Variants in TNFSF4 observed in about 807,000 individuals in gnomAD.
The protein encoded by TNFSF4 is tumor necrosis factor ligand superfamily member 4.
A neutral mutation model predicts 7.3 loss-of-function variants in TNFSF4; 4 were observed. The ratio of observed to expected loss-of-function variants is 0.55; its 90% CI spans 0.27 to 1.25. TNFSF4 has a LOEUF of 1.25. Among genes scored for constraint, TNFSF4 ranks in the 50% most tolerant of loss-of-function variants. TNFSF4 has a pLI of 0.12. For missense variants in TNFSF4, 181 were observed against 208.8 expected, an observed-to-expected ratio of 0.87 and a Z score of 0.82; for synonymous variants, 76 against 83.7, an observed-to-expected ratio of 0.91 and a Z score of 0.50.
At chr1:173,216,924 G>A in the TNFSF4 span, among the ~76,000 whole-genome samples, 3 of 151,972 alleles carry the variant, frequency 2.0e-5, no homozygotes, top group Non-Finnish European at 4.4e-5. Context: ...ATTCGCCCTG[G>A]TTATATTTGG....
At chr1:173,258,376 G>A in the TNFSF4 span, among the ~76,000 whole-genome samples, 32,101 of 152,022 alleles carry the variant, frequency 0.21, 3,693 homozygotes, top group Admixed American at 0.32. Flanking sequence ...GAGCAGATTA[G>A]CACAGGGCAA....
At chr1:173,370,031 G>A in the TNFSF4 span, among the ~76,000 whole-genome samples, 1 of 151,978 alleles carries the variant, frequency 6.6e-6, no homozygotes, top group African/African-American at 2.4e-5. Flanking sequence ...GAAAACCCTG[G>A]GCTATCAGTT....
At chr1:173,362,990 C>T in the TNFSF4 span, 1 of 357,008 alleles carries the variant, frequency 2.8e-6, no homozygotes, top group Non-Finnish European at 5.5e-6. Context: ...ATTCTTCTTG[C>T]ACTGGGAAAA....
upstream of TNFSF4, among the ~76,000 whole-genome samples, chr1:173,208,963 T>C (rs1190049930): frequency 6.6e-6 from 1 of 152,086 alleles, no homozygotes; most frequent in African/African-American, 2.4e-5. Context: ...GTCAAAAGAA[T>C]GAAAAAAATA....
the TNFSF4 span, among the ~76,000 whole-genome samples, chr1:173,230,907 T>A: frequency 1.3e-5 from 2 of 152,108 alleles, no homozygotes; most frequent in African/African-American, 4.8e-5. Flanking sequence ...AGAAGTTGAA[T>A]CCCTGAATGG....
chr1:173,273,649 T>C, the TNFSF4 span, among the ~76,000 whole-genome samples: 2 of 152,080 alleles, frequency 1.3e-5, no homozygotes, highest in Admixed American at 1.3e-4. Flanking sequence ...GAATTACACA[T>C]TTAAATATTT....
At chr1:173,408,284 T>C in the TNFSF4 span, among the ~76,000 whole-genome samples, 5 of 152,168 alleles carry the variant, frequency 3.3e-5, no homozygotes, top group African/African-American at 1.2e-4. Context: ...CAAAGAATGA[T>C]AGGAACAGGC....
chr1:173,290,686 C>T, the TNFSF4 span, among the ~76,000 whole-genome samples: 1 of 152,038 alleles, frequency 6.6e-6, no homozygotes, highest in African/African-American at 2.4e-5. Context: ...AGACAGAAAA[C>T]TAAAAAGATA....
chr1:173,386,616 G>T, the TNFSF4 span, among the ~76,000 whole-genome samples: 18 of 152,284 alleles, frequency 1.2e-4, no homozygotes, highest in Non-Finnish European at 2.2e-4. Context: ...CCCCACTGGG[G>T]TAATGCATAG....
chr1:173,442,080 A>G, the TNFSF4 span: 1 of 152,250 alleles, frequency 6.6e-6, no homozygotes, highest in Admixed American at 6.5e-5. Context: ...TTGTGCTGGT[A>G]ATGTTTAATA....
intron 1 of TNFSF4, among the ~76,000 whole-genome samples, chr1:173,198,732 AC>A (rs1649814049): frequency 6.6e-6 from 1 of 152,212 alleles, no homozygotes. Flanking sequence ...ACAAGCTTGC[AC>A]ATGTACCCCT....
downstream of TNFSF4, among the ~76,000 whole-genome samples, chr1:173,182,326 G>A (rs538916520): frequency 6.6e-6 from 1 of 152,318 alleles, no homozygotes; most frequent in Admixed American, 6.5e-5. Context: ...GAACCAGGAG[G>A]AGGGACTTGC....
At chr1:173,199,384 G>C (rs542018238) in intron 1 of TNFSF4, among the ~76,000 whole-genome samples, 2 of 152,302 alleles carry the variant, frequency 1.3e-5, no homozygotes, top group South Asian at 4.1e-4. Flanking sequence ...TTAACATGCA[G>C]TCAACTGGAT....
the TNFSF4 span, among the ~76,000 whole-genome samples, chr1:173,275,710 A>G: frequency 6.6e-6 from 1 of 152,080 alleles, no homozygotes; most frequent in Non-Finnish European, 1.5e-5. Context: ...CCCCTGGGGG[A>G]AAAAAAGTTG....
At chr1:173,431,636 A>T in the TNFSF4 span, among the ~76,000 whole-genome samples, 1 of 152,256 alleles carries the variant, frequency 6.6e-6, no homozygotes, top group Non-Finnish European at 1.5e-5. Flanking sequence ...ATTTCTGAAT[A>T]AAATATTTCA....
chr1:173,441,396 G>A, the TNFSF4 span, among the ~76,000 whole-genome samples: 2 of 152,258 alleles, frequency 1.3e-5, no homozygotes, highest in African/African-American at 2.4e-5. Context: ...GCCAAGGTGG[G>A]CGGATTGCCT....
At chr1:173,391,663 C>G in the TNFSF4 span, among the ~76,000 whole-genome samples, 1 of 151,994 alleles carries the variant, frequency 6.6e-6, no homozygotes, top group Admixed American at 6.6e-5. Context: ...TTTCTGATTC[C>G]TCCTCGATCT....
chr1:173,338,311 A>G, the TNFSF4 span, among the ~76,000 whole-genome samples: 1 of 152,308 alleles, frequency 6.6e-6, no homozygotes, highest in Admixed American at 6.5e-5. Flanking sequence ...TTCTGCCAAA[A>G]CTATCATCTG....
chr1:173,348,068 A>G, the TNFSF4 span, among the ~76,000 whole-genome samples: 1 of 152,240 alleles, frequency 6.6e-6, no homozygotes, highest in Non-Finnish European at 1.5e-5. Flanking sequence ...CTTAGAAGAA[A>G]GCAGAGCTTG....
Sources: gnomAD v4.1 joint callset for allele counts (sites outside exome capture counted in the v4.1 genomes callset) on GRCh38, gnomAD v4.1.1 for gene constraint, MANE v1.5 for transcripts, NCBI Gene and HGNC (gene_info 2026-07-23, HGNC 2026-07-21) for gene names.